PDE10A: variants seen among roughly 807,000 people sequenced by gnomAD.
PDE10A encodes the protein phosphodiesterase 10A.
In PDE10A, 39 loss-of-function variants were observed where a neutral mutation model predicts 97.7. The ratio of observed to expected loss-of-function variants is 0.40; its 90% confidence interval spans 0.31 to 0.52. The LOEUF (loss-of-function observed/expected upper bound fraction) is 0.52, where lower values mean the gene tolerates loss of function less well. Ranked by LOEUF, PDE10A falls within the 20% of genes least tolerant of loss-of-function variation. PDE10A has a pLI of 0.56. For missense variants in PDE10A, 731 were observed against 1,047.8 expected, an observed-to-expected ratio of 0.70 and a Z score of 4.17; for synonymous variants, 371 against 376.8, an observed-to-expected ratio of 0.98 and a Z score of 0.18.
intron 1 of PDE10A, among the ~76,000 whole-genome samples, chr6:165,807,592 A>T (rs748928177): frequency 6.6e-6 from 1 of 152,194 alleles, no homozygotes; most frequent in Non-Finnish European, 1.5e-5. Flanking sequence ...TGTTGACCAT[A>T]AATTGGAAAG....
At chr6:165,453,889 A>T (rs221745) in intron 3 of PDE10A, among the ~76,000 whole-genome samples, 36,049 of 152,108 alleles carry the variant, frequency 0.24, 4,535 homozygotes, top group South Asian at 0.37. Flanking sequence ...CCAACTCCAC[A>T]ACTCTGGAGA....
At chr6:165,508,622 C>T (rs2128299766) in intron 2 of PDE10A, among the ~76,000 whole-genome samples, 1 of 152,088 alleles carries the variant, frequency 6.6e-6, no homozygotes, top group East Asian at 1.9e-4. Context: ...ATTCTCCACA[C>T]TGGTGAGAGC....
chr6:165,920,848 A>T (rs1228483990), intron 1 of PDE10A, among the ~76,000 whole-genome samples: 1 of 152,150 alleles, frequency 6.6e-6, no homozygotes, highest in Non-Finnish European at 1.5e-5. Context: ...TCTCCATTAT[A>T]TGTTCCTGAA....
At chr6:165,726,973 C>T (rs1583000517) in intron 1 of PDE10A, among the ~76,000 whole-genome samples, 1 of 152,222 alleles carries the variant, frequency 6.6e-6, no homozygotes, top group East Asian at 1.9e-4. Flanking sequence ...CGAGCCAGGC[C>T]ACCACAGAAA....
intron 1 of PDE10A, among the ~76,000 whole-genome samples, chr6:165,976,927 T>G (rs1246171671): frequency 6.6e-6 from 1 of 152,214 alleles, no homozygotes; most frequent in East Asian, 1.9e-4. Context: ...ACCGGAAGCC[T>G]TGGAATCGCA....
chr6:165,384,656 GTGTGTGTGTGTGTAT>G (rs1785159267), intron 17 of PDE10A, among the ~76,000 whole-genome samples: 1 of 52,306 alleles, frequency 1.9e-5, no homozygotes, highest in African/African-American at 1.1e-4. Context: ...GTGTGTGTGT[GTGTGTGTGTGTGTAT>G]GGGGGGGGGC....
chr6:165,674,931 T>G (rs1349189711), intron 1 of PDE10A, among the ~76,000 whole-genome samples: 2 of 152,150 alleles, frequency 1.3e-5, no homozygotes, highest in Non-Finnish European at 2.9e-5. Flanking sequence ...GACTCCACAC[T>G]TCTCTCTGAG....
At chr6:165,813,433 G>A (rs527713875) in intron 1 of PDE10A, among the ~76,000 whole-genome samples, 1 of 139,920 alleles carries the variant, frequency 7.1e-6, no homozygotes, top group African/African-American at 2.6e-5. Flanking sequence ...CTGTCGTCTG[G>A]AGGTGACCTA....
intron 1 of PDE10A, among the ~76,000 whole-genome samples, chr6:165,848,900 C>T (rs1309970231): frequency 1.3e-5 from 2 of 152,152 alleles, no homozygotes; most frequent in Non-Finnish European, 2.9e-5. Context: ...GAGGAATTCT[C>T]ACCCAGAGTC....
intron 1 of PDE10A, among the ~76,000 whole-genome samples, chr6:165,778,324 C>T (rs1040778909): frequency 6.6e-6 from 1 of 152,198 alleles, no homozygotes; most frequent in Non-Finnish European, 1.5e-5. Context: ...CCCGTCTCAG[C>T]CTCCCAAAGT....
At chr6:165,494,430 A>G (rs1780403180) in intron 2 of PDE10A, among the ~76,000 whole-genome samples, 1 of 145,916 alleles carries the variant, frequency 6.9e-6, no homozygotes, top group Non-Finnish European at 1.5e-5. Context: ...AATGTCCATC[A>G]ATGAATGAGT....
chr6:165,952,256 C>G (rs183716073), intron 1 of PDE10A, among the ~76,000 whole-genome samples: 1 of 152,360 alleles, frequency 6.6e-6, no homozygotes, highest in African/African-American at 2.4e-5. Context: ...GATTCCTTCA[C>G]CTGTGCCTTT....
At chr6:165,816,301 TAAAG>T (rs1486319753) in intron 1 of PDE10A, among the ~76,000 whole-genome samples, 1 of 152,228 alleles carries the variant, frequency 6.6e-6, no homozygotes, top group Non-Finnish European at 1.5e-5. Context: ...CAACTCCTGA[TAAAG>T]AAACTTGAAT....
intron 1 of PDE10A, among the ~76,000 whole-genome samples, chr6:165,549,743 A>G (rs79980378): frequency 0.023 from 3,563 of 152,256 alleles, 59 homozygotes; most frequent in Non-Finnish European, 0.026. Flanking sequence ...ACAATATATT[A>G]TCCTAATAAG....
At chr6:165,670,862 A>C (rs1790628053) in intron 1 of PDE10A, among the ~76,000 whole-genome samples, 1 of 152,192 alleles carries the variant, frequency 6.6e-6, no homozygotes, top group Admixed American at 6.5e-5. Flanking sequence ...TTAGAACTTA[A>C]GTGGCAAAAG....
Position 165,823,821 on chromosome 6 carries a change from T to C in PDE10A, c.-615+163708A>G, listed in dbSNP as rs371629269. Among the ~76,000 whole-genome samples the C allele has an allele frequency of 2.4e-3, 365 of 152,218 alleles. 21 individuals are homozygous for C. The South Asian group carries it at 0.072, about 30-fold the overall frequency. On this transcript the variant is annotated intron_variant, in intron 1 of 19. Coordinates refer to the PDE10A transcript ENST00000366882. ...GGGTGATAGGAGTTTTCCAGCTCCA[T>C]AATCATCTTACGGGACCGCTGTCAT...
chr6:165,851,555 A>C (rs543972539), intron 1 of PDE10A, among the ~76,000 whole-genome samples: 6 of 152,310 alleles, frequency 3.9e-5, no homozygotes, highest in South Asian at 4.1e-4. Context: ...GTTATCCCTC[A>C]GTCGTTCCAG....
At chr6:165,922,453 T>A (rs1426461115) in intron 1 of PDE10A, among the ~76,000 whole-genome samples, 1 of 152,222 alleles carries the variant, frequency 6.6e-6, no homozygotes, top group African/African-American at 2.4e-5. Flanking sequence ...TGAGGTTACA[T>A]GTCTGAAAGT....
At chr6:165,432,692 C>T (rs1789685634) in intron 7 of PDE10A, among the ~76,000 whole-genome samples, 1 of 151,518 alleles carries the variant, frequency 6.6e-6, no homozygotes, top group Admixed American at 6.6e-5. Context: ...TCTCCAAAGT[C>T]CTTCTACTAC....
Sources: gnomAD v4.1 joint callset for allele counts (sites outside exome capture counted in the v4.1 genomes callset) on GRCh38, gnomAD v4.1.1 for gene constraint, MANE v1.5 for transcripts, NCBI Gene and HGNC (gene_info 2026-07-23, HGNC 2026-07-21) for gene names.